SPOCK1: variants seen among roughly 807,000 people sequenced by gnomAD.
The protein encoded by SPOCK1 is testican-1.
SPOCK1 carries 23 observed loss-of-function variants against 55.3 expected under a neutral mutation model. The ratio of observed to expected loss-of-function variants is 0.42; its 90% CI spans 0.30 to 0.59. The LOEUF is 0.59. Ranked by LOEUF, SPOCK1 falls within the 20% of genes least tolerant of loss-of-function variation. SPOCK1 has a pLI of 0.22. For synonymous variants in SPOCK1, 226 were observed against 221.0 expected, an observed-to-expected ratio of 1.02 and a Z score of -0.20; for missense variants, 499 against 552.5, an observed-to-expected ratio of 0.90 and a Z score of 0.97.
intron 2 of SPOCK1, among the ~76,000 whole-genome samples, chr5:137,296,038 A>T (rs1441483980): frequency 6.6e-6 from 1 of 152,136 alleles, no homozygotes; most frequent in Non-Finnish European, 1.5e-5. Flanking sequence ...AGCCCTCATG[A>T]ATGGGATTAG....
intron 2 of SPOCK1, among the ~76,000 whole-genome samples, chr5:137,371,005 C>T (rs1751189598): frequency 1.3e-5 from 2 of 152,236 alleles, no homozygotes; most frequent in Admixed American, 1.3e-4. Context: ...CCACCATGTA[C>T]TGCACTCTGG....
At chr5:137,138,744 TCC>T (rs1754039828) in intron 4 of SPOCK1, among the ~76,000 whole-genome samples, 1 of 144,758 alleles carries the variant, frequency 6.9e-6, no homozygotes, top group Non-Finnish European at 1.5e-5. Context: ...TACATACCAC[TCC>T]CCAATGAACT....
intron 6 of SPOCK1, among the ~76,000 whole-genome samples, chr5:137,062,083 G>A (rs1427286135): frequency 6.6e-6 from 1 of 152,150 alleles, no homozygotes; most frequent in African/African-American, 2.4e-5. Context: ...AAGACCAGTG[G>A]TGGTCAAACT....
rs114901080 is a variant in SPOCK1 at position 137,097,194 on chromosome 5, G to A, written c.474+15241C>T. Among the ~76,000 whole-genome samples the A allele has an allele frequency of 2.6e-3, 389 of 152,262 alleles. 2 individuals carry two copies. The highest frequency in any genetic ancestry group is 9.2e-3 in the African/African-American group (381 of 41,522). ...CAAGGGAAGTGAAGCTGGCCACTGGGGGGTAGACTCTGGTCTCTGGCCTTG... is the reference window on the plus strand; with the variant it reads ...CAAGGGAAGTGAAGCTGGCCACTGGAGGGTAGACTCTGGTCTCTGGCCTTG... On this transcript the variant is annotated intron_variant, in intron 5 of 10. Transcript: ENST00000394945.
chr5:137,058,806 G>T (rs59081999), intron 6 of SPOCK1, among the ~76,000 whole-genome samples: 1 of 152,014 alleles, frequency 6.6e-6, no homozygotes, highest in Non-Finnish European at 1.5e-5. Context: ...CCTAGGAGAT[G>T]GTCAGTGCCA....
At chr5:137,441,074 G>A (rs966986435) in intron 2 of SPOCK1, among the ~76,000 whole-genome samples, 6 of 152,176 alleles carry the variant, frequency 3.9e-5, no homozygotes, top group Non-Finnish European at 5.9e-5. Context: ...TTGAACATCC[G>A]TCACAACTCT....
intron 5 of SPOCK1, among the ~76,000 whole-genome samples, chr5:137,099,081 G>A (rs895912464): frequency 6.6e-6 from 1 of 152,220 alleles, no homozygotes; most frequent in African/African-American, 2.4e-5. Context: ...TGAGTGTTCG[G>A]GGTGCCCACA....
chr5:137,029,455 C>A (rs994475269), intron 6 of SPOCK1, among the ~76,000 whole-genome samples: 1 of 152,098 alleles, frequency 6.6e-6, no homozygotes, highest in Non-Finnish European at 1.5e-5. Context: ...TTACAAAAAC[C>A]CTTGTGCGGC....
chr5:137,081,744 C>T (rs1239718691), intron 5 of SPOCK1, among the ~76,000 whole-genome samples: 1 of 152,172 alleles, frequency 6.6e-6, no homozygotes, highest in African/African-American at 2.4e-5. Flanking sequence ...TGAATTACTG[C>T]CTGATTTTAC....
intron 2 of SPOCK1, among the ~76,000 whole-genome samples, chr5:137,384,617 A>AGC (rs1434860788): frequency 6.9e-6 from 1 of 144,414 alleles, no homozygotes; most frequent in African/African-American, 2.9e-5. Context: ...CCAGAAGCTC[A>AGC]CAATTAATGT....
intron 2 of SPOCK1, among the ~76,000 whole-genome samples, chr5:137,431,507 A>G (rs1752742630): frequency 6.6e-6 from 1 of 152,170 alleles, no homozygotes; most frequent in Non-Finnish European, 1.5e-5. Context: ...CCCCACCAAA[A>G]CTCATGTCTA....
At chr5:137,015,926 G>A (rs1051865972) in intron 6 of SPOCK1, among the ~76,000 whole-genome samples, 4 of 152,180 alleles carry the variant, frequency 2.6e-5, no homozygotes, top group African/African-American at 9.7e-5. Flanking sequence ...TGGCTTTTAA[G>A]GGAACCTAGC....
At chr5:137,391,650 C>T (rs1561523342) in intron 2 of SPOCK1, among the ~76,000 whole-genome samples, 1 of 152,102 alleles carries the variant, frequency 6.6e-6, no homozygotes, top group African/African-American at 2.4e-5. Context: ...TCCCCAGGTC[C>T]TTCCACACGT....
chr5:137,009,144 T>G (rs2126973469), intron 6 of SPOCK1, among the ~76,000 whole-genome samples: 1 of 152,314 alleles, frequency 6.6e-6, no homozygotes, highest in African/African-American at 2.4e-5. Context: ...AACTCCATAT[T>G]GATTTTTACA....
At chr5:137,367,159 T>G (rs1751088790) in intron 2 of SPOCK1, among the ~76,000 whole-genome samples, 1 of 152,220 alleles carries the variant, frequency 6.6e-6, no homozygotes, top group South Asian at 2.1e-4. Context: ...CTGCTTTGCC[T>G]CCATCAATGG....
chr5:137,416,111 A>C (rs1036321335), intron 2 of SPOCK1, among the ~76,000 whole-genome samples: 1 of 152,150 alleles, frequency 6.6e-6, no homozygotes, highest in East Asian at 1.9e-4. Flanking sequence ...AAGGAAAAGA[A>C]CACATTTCTT....
chr5:137,155,498 T>C (rs552513943), intron 3 of SPOCK1, among the ~76,000 whole-genome samples: 46 of 152,248 alleles, frequency 3.0e-4, no homozygotes, highest in African/African-American at 1.1e-3. Flanking sequence ...CTCCACTCAG[T>C]GAGGTCACGC....
chr5:137,072,378 G>A (rs1476372270), intron 5 of SPOCK1, among the ~76,000 whole-genome samples: 1 of 152,136 alleles, frequency 6.6e-6, no homozygotes, highest in African/African-American at 2.4e-5. Context: ...CAAACCCCTG[G>A]GGATTCTAGA....
intron 3 of SPOCK1, among the ~76,000 whole-genome samples, chr5:137,258,166 C>G (rs1041254351): frequency 6.6e-6 from 1 of 152,176 alleles, no homozygotes; most frequent in African/African-American, 2.4e-5. Flanking sequence ...TAATAAATGT[C>G]ATAATTTCTA....
Sources: gnomAD v4.1 joint callset for allele counts (sites outside exome capture counted in the v4.1 genomes callset) on GRCh38, gnomAD v4.1.1 for gene constraint, MANE v1.5 for transcripts, NCBI Gene and HGNC (gene_info 2026-07-23, HGNC 2026-07-21) for gene names.